SCLY: variants seen among roughly 807,000 people sequenced by gnomAD.
SCLY encodes selenocysteine lyase.
Under a neutral mutation model 50.1 loss-of-function variants are expected in SCLY, and 38 were observed. The observed-to-expected ratio is 0.76, with a 90% CI of 0.59 to 0.99. The LOEUF (loss-of-function observed/expected upper bound fraction) is 0.99. Ranked by LOEUF, SCLY falls within the 50% of genes least tolerant of loss-of-function variation. The pLI, the probability that SCLY is intolerant of heterozygous loss-of-function variation, is 0.00. For synonymous variants in SCLY, 243 were observed against 249.4 expected, an observed-to-expected ratio of 0.97 and a Z score of 0.24; for missense variants, 600 against 620.0, an observed-to-expected ratio of 0.97 and a Z score of 0.34.
chr2:238,062,071 T>G (rs2065024008), intron 1 of SCLY, among the ~76,000 whole-genome samples: 1 of 152,230 alleles, frequency 6.6e-6, no homozygotes, highest in Non-Finnish European at 1.5e-5. Flanking sequence ...AGATTTTTTA[T>G]TTTTTGGTTA....
intron 9 of SCLY, 175 bp downstream of exon 9, chr2:238,094,119 T>C (rs748923557): frequency 1.5e-4 from 97 of 659,920 alleles, no homozygotes; most frequent in Non-Finnish European, 2.3e-4. Flanking sequence ...CATTGGGATC[T>C]GAAACCCCGA....
At chr2:238,061,167 G>A (rs1318810399) in intron 1 of SCLY, 24 bp downstream of exon 1, 1 of 1,477,624 alleles carries the variant, frequency 6.8e-7, no homozygotes, top group Non-Finnish European at 9.1e-7. Flanking sequence ...GGGCAGGGCT[G>A]GGGAGCGGCC....
intron 4 of SCLY, among the ~76,000 whole-genome samples, chr2:238,075,638 G>A (rs1475182807): frequency 6.6e-6 from 1 of 152,054 alleles, no homozygotes; most frequent in African/African-American, 2.4e-5. Flanking sequence ...CATTTCATTT[G>A]TTATCTAATT....
intron 4 of SCLY, chr2:238,080,608 G>C (rs1428856701): frequency 6.6e-6 from 1 of 152,354 alleles, no homozygotes; most frequent in Non-Finnish European, 1.5e-5. Flanking sequence ...GCTCCTCTGA[G>C]TTCCCTAGCA....
At position 238,098,308 on chromosome 2, in the gene SCLY, G is replaced by A. The variant is rs200748268; in HGVS notation, c.1291G>A (p.Val431Met). ...CACCAGGGCCGAGGTGGACCTCGTC[G>A]TGCAGGACCTGAAGCAGGCCGTGGC... The part of the protein sequence containing the change: ...STTRAEVDLV[V>M]QDLKQAVAQL... The change falls in exon 12 of 12, where the codon GTG (valine) becomes ATG (methionine). Residue 431 changes from valine (V) to methionine (M), a missense_variant. Transcript: ENST00000254663. 2.5e-6 allele frequency: 4 copies of A among 1,607,766 alleles called. No homozygotes were observed. Among genetic ancestry groups the A allele is most frequent in the South Asian group, 1.1e-5 (1 of 90,932 alleles).
rs1356150366 is a variant in SCLY at position 238,067,934 on chromosome 2, T to C, written c.203-131T>C. On this transcript the variant is annotated intron_variant, in intron 2 of 11. Transcript: ENST00000254663. The surrounding 1 kb of genome is among the most constrained non-coding windows in gnomAD (Gnocchi z 4.3). ...GTTGTAGCATTTTGCTGTGCTCACATTAAGGGGCCAGGTTTTGTCTTAGAA... is the reference window on the plus strand; with the variant it reads ...GTTGTAGCATTTTGCTGTGCTCACACTAAGGGGCCAGGTTTTGTCTTAGAA... The C allele has an allele frequency of 3.2e-6, 2 of 629,264 alleles. No homozygotes were observed. Among genetic ancestry groups the C allele is most frequent in the African/African-American group, 3.7e-5 (2 of 53,518 alleles). The allele number at this position is 629,264 out of a possible 1,614,324, so 39.0% of individuals were successfully genotyped here. A position where few individuals can be genotyped will look rare whatever the true frequency, so the allele number is the denominator to read the frequency against.
rs750203065 is a variant in SCLY at position 238,098,302 on chromosome 2, C to T, written c.1285C>T (p.Leu429Phe). 17 of 1,608,348 alleles carry T rather than the reference C, an allele frequency of 1.1e-5. No homozygotes were observed. Among genetic ancestry groups the T allele is most frequent in the Non-Finnish European group, 1.4e-5 (17 of 1,179,548 alleles). ...GRSTTRAEVD[L>F]VVQDLKQAVA... ...CAGCACCACCAGGGCCGAGGTGGACCTCGTCGTGCAGGACCTGAAGCAGGC... is the reference window on the plus strand; with the variant it reads ...CAGCACCACCAGGGCCGAGGTGGACTTCGTCGTGCAGGACCTGAAGCAGGC... Residue 429 changes from leucine to phenylalanine, a missense_variant, in exon 12 of 12, where the codon CTC becomes TTC. By Grantham distance (22) the Leu-to-Phe change is conservative. Transcript: ENST00000254663.
rs1691320391 is a variant in SCLY at position 238,098,609 on chromosome 2, CCGCCCACA to C, written c.*255_*262del. The C allele has an allele frequency of 2.2e-5, 8 of 358,800 alleles. No homozygotes were observed. Among genetic ancestry groups the C allele is most frequent in the Non-Finnish European group, 3.8e-5 (8 of 212,662 alleles). The allele number at this position is 358,800 out of a possible 1,614,324, so 22.2% of individuals were successfully genotyped here. ...CCCACATAGGACCGCCCACATAGGA[CCGCCCACA>C]TGGGACCGCCCACATGGGACCGCCC... On this transcript the variant is annotated 3_prime_UTR_variant, in exon 12 of 12. Coordinates refer to ENST00000254663, the MANE Select transcript of SCLY (RefSeq NM_016510.7).
intron 11 of SCLY, 109 bp from the exon 12 acceptor site, chr2:238,098,093 C>T: frequency 7.6e-7 from 1 of 1,322,190 alleles, no homozygotes; most frequent in Non-Finnish European, 1.0e-6. Flanking sequence ...GAGGCAGGCG[C>T]ACATCCGGGT....
rs1320750952 is a variant in SCLY at position 238,083,089 on chromosome 2, C to G, written c.778-159C>G. On this transcript the variant is annotated intron_variant, in intron 6 of 11. Coordinates refer to ENST00000254663, the MANE Select transcript of SCLY (RefSeq NM_016510.7). The surrounding 1 kb of genome is among the most constrained non-coding windows in gnomAD (Gnocchi z 4.3). The stretch of plus-strand genomic sequence containing the variant: ...CCCTGCCCCGAAGGCTTTTGTGACT[C>G]TGCGTGTCAAAAGGGGTGGCACTCA... 24 of 708,796 alleles carry G rather than the reference C, an allele frequency of 3.4e-5. No homozygotes were observed. Among genetic ancestry groups the G allele is most frequent in the Non-Finnish European group, 6.3e-5 (24 of 380,714 alleles). 43.9% of individuals were successfully genotyped at this position (708,796 alleles called of 1,614,324 possible). A position where few individuals can be genotyped will look rare whatever the true frequency, so the allele number is the denominator to read the frequency against.
At chr2:238,084,985 A>G (rs2106449067) in intron 7 of SCLY, among the ~76,000 whole-genome samples, 1 of 152,166 alleles carries the variant, frequency 6.6e-6, no homozygotes, top group Admixed American at 6.5e-5. Context: ...ACGTCAGAAA[A>G]TGGCAGCCCA....
chr2:238,088,138 C>G (rs2065319441), intron 7 of SCLY, among the ~76,000 whole-genome samples: 2 of 152,070 alleles, frequency 1.3e-5, no homozygotes, highest in East Asian at 3.9e-4. Flanking sequence ...GGCATTTATT[C>G]CACAGATGCA....
In SCLY at chr2:238,066,433, C is replaced by G. The variant is rs2065071912; in HGVS notation, c.203-1632C>G. ...TGACGTAAGCAGCACTGACTGAGCA[C>G]CAGCTGTGTACTCAGCACCCTGTTG... On this transcript the variant is annotated intron_variant, in intron 2 of 11. Transcript: ENST00000254663. The surrounding 1 kb of genome is among the most constrained non-coding windows in gnomAD (Gnocchi z 4.1). Among the ~76,000 whole-genome samples the G allele has an allele frequency of 6.6e-6, 1 of 152,224 alleles. No individual in the cohort carries two copies. The highest frequency in any genetic ancestry group is 2.4e-5 in the African/African-American group (1 of 41,446).
At chr2:238,089,718 A>G (rs933869488) in intron 7 of SCLY, among the ~76,000 whole-genome samples, 2 of 150,600 alleles carry the variant, frequency 1.3e-5, no homozygotes, top group African/African-American at 4.9e-5. Flanking sequence ...CAATTCTTCC[A>G]GTGTGGCCTA....
intron 4 of SCLY, among the ~76,000 whole-genome samples, chr2:238,074,858 T>G (rs1396543169): frequency 6.6e-6 from 1 of 152,214 alleles, no homozygotes; most frequent in African/African-American, 2.4e-5. Context: ...CATCTACAGC[T>G]AGAGATAGTT....
rs978656542 is a variant in SCLY at position 238,065,750 on chromosome 2, A to G, written c.202+1281A>G. On this transcript the variant is annotated intron_variant, in intron 2 of 11. Transcript: ENST00000254663. ...AGTGCAGTGGTGCAATCTCGGGTCA[A>G]TGCAACCTCCGCCTCCCGGATTCAA... 1.3e-4 allele frequency among the ~76,000 whole-genome samples: 19 copies of G among 150,984 alleles called. 1 individual carries two copies. Among genetic ancestry groups the G allele is most frequent in the African/African-American group, 3.9e-4 (16 of 40,984 alleles).
chr2:238,093,968 C>T (rs1468780533), intron 9 of SCLY, 24 bp downstream of exon 9: 2 of 1,605,538 alleles, frequency 1.2e-6, no homozygotes, highest in South Asian at 2.2e-5. Context: ...GGGGTGGGCA[C>T]CAGGAGGGGG....
At chr2:238,074,319 A>T (rs1431166924) in intron 4 of SCLY, among the ~76,000 whole-genome samples, 1 of 151,636 alleles carries the variant, frequency 6.6e-6, no homozygotes, top group Non-Finnish European at 1.5e-5. Context: ...AAAAAAAAAA[A>T]GTTTTTGGGG....
intron 4 of SCLY, among the ~76,000 whole-genome samples, chr2:238,075,936 A>G (rs1345067432): frequency 6.6e-6 from 1 of 152,082 alleles, no homozygotes; most frequent in Non-Finnish European, 1.5e-5. Flanking sequence ...CCTTGGCAAT[A>G]ACCTTGAGCA....
Sources: gnomAD v4.1 joint callset for allele counts (sites outside exome capture counted in the v4.1 genomes callset) on GRCh38, gnomAD v4.1.1 for gene constraint, Gnocchi (gnomAD v3.1) non-coding constraint, MANE v1.5 for transcripts, NCBI Gene and HGNC (gene_info 2026-07-23, HGNC 2026-07-21) for gene names.